Variants in GALC observed in about 807,000 individuals in gnomAD.
The protein encoded by GALC is galactocerebrosidase.
Under a neutral mutation model 91.8 loss-of-function variants are expected in GALC, and 77 were observed. That is an observed-to-expected ratio of 0.84 (90% CI 0.70 to 1.01). GALC has a LOEUF of 1.01. Among genes scored for constraint, GALC ranks in the 50% least tolerant of loss-of-function variants. The probability of loss-of-function intolerance (pLI) is 0.00; values close to 1 mark genes in which losing one functional copy is unlikely to be tolerated. For synonymous variants in GALC, 357 were observed against 306.7 expected (o/e 1.16, Z -1.71); for missense variants, 882 against 855.9 (o/e 1.03, Z -0.38).
intron 5 of GALC, among the ~76,000 whole-genome samples, chr14:87,983,118 T>C (rs1490023201): frequency 6.6e-6 from 1 of 151,884 alleles, no homozygotes; most frequent in Non-Finnish European, 1.5e-5. Flanking sequence ...GGCGGGCGGA[T>C]CACGAGGTCA....
intron 8 of GALC, 127 bp downstream of exon 8, chr14:87,968,208 G>A (rs1028665503): frequency 1.8e-5 from 13 of 738,870 alleles, no homozygotes; most frequent in African/African-American, 8.9e-5. Flanking sequence ...AATAGATGAC[G>A]CTAACAAGGC....
At chr14:87,949,625 G>A (rs980366631) in intron 12 of GALC, among the ~76,000 whole-genome samples, 1 of 151,960 alleles carries the variant, frequency 6.6e-6, no homozygotes, top group African/African-American at 2.4e-5. Context: ...GAGGGTGAGT[G>A]GGAAAGACAG....
At chr14:87,953,434 CCT>C (rs1885392416) in intron 10 of GALC, 16 of 1,504,190 alleles carry the variant, frequency 1.1e-5, no homozygotes, top group Admixed American at 1.0e-4. Context: ...ACATTTTAGT[CCT>C]GTTTTTCCTA....
intron 14 of GALC, among the ~76,000 whole-genome samples, chr14:87,941,820 AT>A (rs999049428): frequency 1.3e-4 from 19 of 151,920 alleles, no homozygotes; most frequent in African/African-American, 2.7e-4. Context: ...TCCTGAGAAA[AT>A]TTTTTTTCTA....
intron 5 of GALC, among the ~76,000 whole-genome samples, chr14:87,983,884 T>C (rs962427596): frequency 6.6e-6 from 1 of 152,238 alleles, no homozygotes; most frequent in Non-Finnish European, 1.5e-5. Flanking sequence ...AAAAGTGTTT[T>C]TAGTTTTAAA....
intron 8 of GALC, 69 bp downstream of exon 8, chr14:87,968,266 A>AT: frequency 3.7e-6 from 5 of 1,354,420 alleles, no homozygotes; most frequent in Non-Finnish European, 4.1e-6. Flanking sequence ...AAGGAATTCC[A>AT]TTTTTTTCTA....
At chr14:87,952,547 G>C (rs1885355754) in intron 10 of GALC, 5 of 864,238 alleles carry the variant, frequency 5.8e-6, no homozygotes, top group Non-Finnish European at 9.5e-6. Context: ...CACTAAAAAT[G>C]ACAGTATCAC....
intron 10 of GALC, chr14:87,954,157 T>C: frequency 6.2e-7 from 1 of 1,602,284 alleles, no homozygotes; most frequent in Admixed American, 1.7e-5. Context: ...CTTCAAGACC[T>C]ACTGGCACAG....
intron 10 of GALC, chr14:87,954,937 G>A: frequency 6.6e-7 from 1 of 1,518,378 alleles, no homozygotes; most frequent in Non-Finnish European, 9.1e-7. Flanking sequence ...TTACATCCGT[G>A]TAGACTCAAA....
chr14:87,978,580 T>C (rs1311480507), intron 6 of GALC, among the ~76,000 whole-genome samples: 2 of 152,342 alleles, frequency 1.3e-5, no homozygotes, highest in East Asian at 3.9e-4. Flanking sequence ...AGCAGTTTTA[T>C]CTAACATATT....
Position 87,934,356 on chromosome 14 carries a change from A to C in GALC, c.*376T>G. The C allele has an allele frequency of 7.9e-7, 1 of 1,264,012 alleles. No individual in the cohort carries two copies. Among genetic ancestry groups the C allele is most frequent in the Non-Finnish European group, 1.0e-6 (1 of 996,032 alleles). The allele number at this position is 1,264,012 out of a possible 1,614,324, so 78.3% of individuals were successfully genotyped here. On this transcript the variant is annotated 3_prime_UTR_variant, in exon 17 of 17. Coordinates refer to ENST00000261304, the MANE Select transcript of GALC (RefSeq NM_000153.4). ...ACACACGGTCAGCATGCATAAATACATCTCAGTGATGATCAAGTTACTGCC... is the reference window on the plus strand; with the variant it reads ...ACACACGGTCAGCATGCATAAATACCTCTCAGTGATGATCAAGTTACTGCC...
chr14:87,983,676 T>C (rs1261151299), intron 5 of GALC, among the ~76,000 whole-genome samples: 1 of 152,202 alleles, frequency 6.6e-6, no homozygotes, highest in African/African-American at 2.4e-5. Context: ...CCACTATGTG[T>C]GTGTTAAGGC....
intron 10 of GALC, among the ~76,000 whole-genome samples, chr14:87,956,620 A>C (rs143127195): frequency 1.3e-5 from 1 of 79,886 alleles, no homozygotes; most frequent in South Asian, 4.7e-4. Context: ...ACACACACAC[A>C]CCATATATAT....
At position 87,993,130 on chromosome 14, in the gene GALC, C is replaced by G; in HGVS notation, c.35G>C (p.Arg12Pro). Residue 12 changes from arginine (R) to proline (P), a missense_variant, in exon 1 of 17, where the codon CGC becomes CCC. Physicochemically the swap from Arg to Pro is moderately radical, Grantham distance 103 (BLOSUM62 -2). Transcript: ENST00000261304. ...GGCCGCAGTCATAGCTTTCGCTCGG[C>G]GTTGCCAGGAAGCCGAGAGTAGCCA... ...AEWLLSASWQ[R>P]RAKAMTAAAG... 6.3e-7 allele frequency: 1 copy of G among 1,584,756 alleles called. No homozygotes were observed. The highest frequency in any genetic ancestry group is 8.6e-7 in the Non-Finnish European group (1 of 1,166,702).
Position 87,947,860 on chromosome 14 carries a change from T to C in GALC, c.1357A>G (p.Ser453Gly), listed in dbSNP as rs1885136949. ...TCTTCATGCAGGCTCAGTGTGAAACTGCCATCGCTGTCAAGGAGCTGAAAA... is the reference window on the plus strand; with the variant it reads ...TCTTCATGCAGGCTCAGTGTGAAACCGCCATCGCTGTCAAGGAGCTGAAAA... ...DSLWLLDSDG[S>G]FTLSLHEDEL... The change falls in exon 13 of 17, where the codon AGT becomes GGT. Residue 453 changes from serine (S) to glycine (G), a missense_variant. Ser to Gly is a moderately conservative substitution (Grantham distance 56). Transcript: ENST00000261304. The C allele has an allele frequency of 1.9e-6, 3 of 1,612,540 alleles. No homozygotes were observed. The East Asian group carries it at 6.7e-5, about 36-fold the overall frequency.
chr14:87,992,439 C>T (rs1482495761), intron 1 of GALC: 14 of 1,535,138 alleles, frequency 9.1e-6, no homozygotes, highest in Non-Finnish European at 1.2e-5. Context: ...CGGCGCTACC[C>T]TCTCTGGAGG....
At chr14:87,977,037 G>T (rs1376113486) in intron 6 of GALC, among the ~76,000 whole-genome samples, 1 of 146,434 alleles carries the variant, frequency 6.8e-6, no homozygotes, top group Non-Finnish European at 1.5e-5. Flanking sequence ...AAATATGGGG[G>T]GGGGGGGATG....
chr14:87,977,908 G>C (rs1199762995), intron 6 of GALC, among the ~76,000 whole-genome samples: 2 of 152,070 alleles, frequency 1.3e-5, no homozygotes, highest in African/African-American at 4.8e-5. Context: ...TTTCAAACTG[G>C]ATCAGTTGAG....
chr14:87,991,710 T>C (rs1043243971), intron 1 of GALC, among the ~76,000 whole-genome samples: 2 of 152,248 alleles, frequency 1.3e-5, no homozygotes, highest in African/African-American at 4.8e-5. Flanking sequence ...ATAGGGATAC[T>C]AATAATTGTA....
Sources: allele counts gnomAD v4.1 joint callset (sites outside exome capture counted in the v4.1 genomes callset), GRCh38; gene constraint gnomAD v4.1.1; transcripts MANE v1.5; gene names NCBI Gene and HGNC (gene_info 2026-07-23, HGNC 2026-07-21).